The following SLC23A2 variants were observed in gnomAD, a reference collection of about 807,000 sequenced individuals.
The protein encoded by SLC23A2 is Na(+)/L-ascorbic acid transporter 2.
Under a neutral mutation model 73.3 loss-of-function variants are expected in SLC23A2, and 36 were observed. The observed-to-expected ratio is 0.49, with a 90% CI of 0.38 to 0.65. The LOEUF is 0.65. Among genes scored for constraint, SLC23A2 ranks in the 30% least tolerant of loss-of-function variants. The probability of loss-of-function intolerance (pLI) is 0.00; values close to 1 mark genes in which losing one functional copy is unlikely to be tolerated. For synonymous variants in SLC23A2, 343 were observed against 327.3 expected (o/e 1.05, Z -0.52); for missense variants, 507 against 841.6 (o/e 0.60, Z 4.92).
At chr20:4,996,685 C>CAAAAAAAAAAAAAAAAAAAAAAAAAAAAA (rs1555809857) in intron 1 of SLC23A2, among the ~76,000 whole-genome samples, 1 of 54,772 alleles carries the variant, frequency 1.8e-5, no homozygotes. Context: ...GATTCCATCT[C>CAAAAAAAAAAAAAAAAAAAAAAAAAAAAA]AAAAAAAAAA....
intron 1 of SLC23A2, among the ~76,000 whole-genome samples, chr20:4,993,410 GAAA>G (rs3055956): frequency 8.2e-6 from 1 of 121,530 alleles, no homozygotes; most frequent in South Asian, 2.6e-4. Flanking sequence ...GCCAAAATCC[GAAA>G]AAAAAAAAAG....
intron 2 of SLC23A2, among the ~76,000 whole-genome samples, chr20:4,941,105 G>A (rs576353897): frequency 6.6e-5 from 10 of 151,228 alleles, no homozygotes; most frequent in East Asian, 2.0e-4. Context: ...GCAGTAAGCC[G>A]AGATTGCACC....
chr20:4,870,017 A>C lies in SLC23A2; in HGVS notation c.1139T>G (p.Val380Gly). Residue 380 changes from valine to glycine, a missense_variant, in exon 12 of 17, where the codon GTC (valine) becomes GGC (glycine). Around this residue, in one of 5 missense-constraint regions of SLC23A2, gnomAD observed 217 missense variants for 398.0 expected, o/e 0.55. Transcript: ENST00000338244. ...GACCACGGCACTGAGCATGCCGATG[A>C]CACCGGCCGCAGACACGGTGGGCAG... ...WGLPTVSAAG[V>G]IGMLSAVVAS... 1 of 1,612,920 alleles carries C rather than the reference A, an allele frequency of 6.2e-7. No individual in the cohort carries two copies. Among genetic ancestry groups the C allele is most frequent in the Non-Finnish European group, 8.5e-7 (1 of 1,179,404 alleles).
chr20:4,944,885 A>T (rs2087093910), intron 2 of SLC23A2, among the ~76,000 whole-genome samples: 2 of 152,182 alleles, frequency 1.3e-5, no homozygotes, highest in African/African-American at 2.4e-5. Flanking sequence ...AGTTCTGTTA[A>T]ATGCTAACAT....
intron 2 of SLC23A2, among the ~76,000 whole-genome samples, chr20:4,961,867 T>C (rs937924808): frequency 1.1e-4 from 17 of 152,202 alleles, no homozygotes; most frequent in African/African-American, 4.1e-4. Flanking sequence ...ATAACCCTGA[T>C]AGGAAAACTT....
chr20:4,907,034 C>G (rs999870855), intron 4 of SLC23A2, among the ~76,000 whole-genome samples: 6 of 152,160 alleles, frequency 3.9e-5, no homozygotes, highest in African/African-American at 1.4e-4. Context: ...GCAAACTGGT[C>G]AGACAGTGTG....
intron 2 of SLC23A2, among the ~76,000 whole-genome samples, chr20:4,943,795 C>T (rs759217542): frequency 2.8e-4 from 42 of 151,936 alleles, no homozygotes; most frequent in Non-Finnish European, 2.1e-4. Context: ...AAGAGGTGGA[C>T]GGGTAAGCAA....
intron 9 of SLC23A2, among the ~76,000 whole-genome samples, chr20:4,880,067 A>G (rs1930822350): frequency 6.6e-6 from 1 of 152,188 alleles, no homozygotes; most frequent in Admixed American, 6.5e-5. Context: ...GCCGCAATAC[A>G]TCCATCAGCT....
chr20:4,879,595 A>T (rs2122818427), intron 9 of SLC23A2, among the ~76,000 whole-genome samples: 1 of 151,202 alleles, frequency 6.6e-6, no homozygotes, highest in Admixed American at 6.6e-5. Context: ...ACGAATGAGA[A>T]TCGCCTGAAC....
chr20:4,983,764 C>T (rs2087771395), intron 1 of SLC23A2, among the ~76,000 whole-genome samples: 1 of 151,568 alleles, frequency 6.6e-6, no homozygotes, highest in African/African-American at 2.4e-5. Flanking sequence ...CGAGACCAGC[C>T]TGACCAACAT....
chr20:4,987,868 G>A (rs573993741), intron 1 of SLC23A2, among the ~76,000 whole-genome samples: 53 of 151,616 alleles, frequency 3.5e-4, no homozygotes, highest in African/African-American at 1.3e-3. Flanking sequence ...CTATGTATGA[G>A]ACTGTAATCT....
At chr20:4,893,728 A>T (rs767079878) in intron 6 of SLC23A2, among the ~76,000 whole-genome samples, 1 of 152,180 alleles carries the variant, frequency 6.6e-6, no homozygotes, top group Non-Finnish European at 1.5e-5. Context: ...ACCTTTTCTC[A>T]GCACATGAAC....
chr20:4,977,292 ATCTTC>A (rs1443307833), intron 1 of SLC23A2, among the ~76,000 whole-genome samples: 1 of 152,078 alleles, frequency 6.6e-6, no homozygotes, highest in Non-Finnish European at 1.5e-5. Flanking sequence ...TATTAACTGG[ATCTTC>A]CCAGGGTTTC....
chr20:4,871,623 G>A (rs1454776111), intron 11 of SLC23A2, among the ~76,000 whole-genome samples: 1 of 152,178 alleles, frequency 6.6e-6, no homozygotes, highest in Non-Finnish European at 1.5e-5. Flanking sequence ...GTGCGGTTAA[G>A]GGCAGAATTG....
At chr20:4,992,601 C>G (rs1022698360) in intron 1 of SLC23A2, among the ~76,000 whole-genome samples, 4 of 150,908 alleles carry the variant, frequency 2.7e-5, no homozygotes, top group African/African-American at 7.3e-5. Flanking sequence ...ACCTCCACCT[C>G]CCGGGTTCGA....
chr20:4,978,826 A>G (rs1170993777), intron 1 of SLC23A2, among the ~76,000 whole-genome samples: 1 of 152,106 alleles, frequency 6.6e-6, no homozygotes, highest in South Asian at 2.1e-4. Flanking sequence ...AACCCCTAAA[A>G]CCTAGCTAGG....
At chr20:4,867,997 CTGGGAG>C in intron 12 of SLC23A2, 122 bp from the exon 13 acceptor site, 1 of 352,652 alleles carries the variant, frequency 2.8e-6, no homozygotes, top group Non-Finnish European at 4.8e-6. Context: ...TCCACATCTC[CTGGGAG>C]CTGGGAGGGC....
rs138382707 is a variant in SLC23A2, at chr20:4,917,793, C to T, written c.109-4815G>A. 2.0e-3 allele frequency among the ~76,000 whole-genome samples: 301 copies of T among 152,194 alleles called. 1 individual carries two copies. Among genetic ancestry groups the T allele is most frequent in the African/African-American group, 6.3e-3 (261 of 41,518 alleles). ...TCCTCTAAGGAAGCCTGTAATAAGACGGGGACACCAGCTGGAAATGCTCTT... is the reference window on the plus strand; with the variant it reads ...TCCTCTAAGGAAGCCTGTAATAAGATGGGGACACCAGCTGGAAATGCTCTT... On this transcript the variant is annotated intron_variant, in intron 3 of 16. Coordinates refer to ENST00000338244, the MANE Select transcript of SLC23A2 (RefSeq NM_005116.6).
At chr20:4,994,146 G>A (rs968333797) in intron 1 of SLC23A2, among the ~76,000 whole-genome samples, 2 of 152,146 alleles carry the variant, frequency 1.3e-5, no homozygotes, top group Admixed American at 1.3e-4. Flanking sequence ...ATACCTTACT[G>A]TGAAGCAGGA....
Sources: allele counts gnomAD v4.1 joint callset (sites outside exome capture counted in the v4.1 genomes callset), GRCh38; gene constraint gnomAD v4.1.1; regional missense constraint gnomAD v4.1.1; transcripts MANE v1.5; gene names NCBI Gene and HGNC (gene_info 2026-07-23, HGNC 2026-07-21).